CPXM2: variants seen among roughly 807,000 people sequenced by gnomAD.
CPXM2 encodes the protein inactive carboxypeptidase-like protein X2.
Under a neutral mutation model 86.1 loss-of-function variants are expected in CPXM2, and 66 were observed. The observed-to-expected ratio is 0.77, with a 90% CI of 0.63 to 0.94. CPXM2 has a LOEUF of 0.94. Ranked by LOEUF, CPXM2 falls within the 40% of genes least tolerant of loss-of-function variation. The pLI, the probability that CPXM2 is intolerant of heterozygous loss-of-function variation, is 0.00. For synonymous variants in CPXM2, 388 were observed against 400.2 expected, an observed-to-expected ratio of 0.97 and a Z score of 0.36; for missense variants, 948 against 1,026.3, an observed-to-expected ratio of 0.92 and a Z score of 1.04.
chr10:123,941,868 T>A (rs561146256), upstream of CPXM2, among the ~76,000 whole-genome samples: 1 of 152,190 alleles, frequency 6.6e-6, no homozygotes, highest in Non-Finnish European at 1.5e-5. Flanking sequence ...GATGAAGCAG[T>A]GGAAACAGGC....
At chr10:123,869,304 G>A (rs1021066986) in intron 2 of CPXM2, among the ~76,000 whole-genome samples, 2 of 152,170 alleles carry the variant, frequency 1.3e-5, no homozygotes, top group African/African-American at 4.8e-5. Flanking sequence ...TGACTCTTGA[G>A]CCAATTTGTT....
upstream of CPXM2, among the ~76,000 whole-genome samples, chr10:123,894,117 C>T (rs1268885973): frequency 6.6e-6 from 1 of 152,222 alleles, no homozygotes; most frequent in Non-Finnish European, 1.5e-5. Flanking sequence ...ACACAGCAAG[C>T]TAGTGATGGC....
chr10:123,817,692 C>T (rs1206656413), intron 4 of CPXM2, among the ~76,000 whole-genome samples: 1 of 152,212 alleles, frequency 6.6e-6, no homozygotes, highest in Non-Finnish European at 1.5e-5. Context: ...ACTCCTGCCA[C>T]CCTGCCTTCT....
chr10:123,756,579 C>T (rs1420724197), intron 12 of CPXM2, among the ~76,000 whole-genome samples: 1 of 152,062 alleles, frequency 6.6e-6, no homozygotes, highest in Non-Finnish European at 1.5e-5. Context: ...GTCCCCACCC[C>T]ACCCCGACCC....
chr10:123,746,343 G>C lies in CPXM2; in HGVS notation c.*421C>G, dbSNP rs1243537581. On this transcript the variant is annotated 3_prime_UTR_variant, in exon 14 of 14. Transcript: ENST00000241305. ...ATCTCAAATGGTAACATTTGGGACA[G>C]CCCAGCTGGGGAAATGCTGCAATTT... 5.0e-6 allele frequency: 1 copy of C among 199,886 alleles called. No homozygotes were observed. Among genetic ancestry groups the C allele is most frequent in the East Asian group, 1.4e-4 (1 of 7,068 alleles). The allele number at this position is 199,886 out of a possible 1,614,324, so 12.4% of individuals were successfully genotyped here. A position where few individuals can be genotyped will look rare whatever the true frequency, so the allele number is the denominator to read the frequency against.
intron 2 of CPXM2, 145 bp from the exon 3 acceptor site, chr10:123,862,868 T>A (rs1427420312): frequency 1.4e-6 from 1 of 690,648 alleles, no homozygotes; most frequent in Non-Finnish European, 2.6e-6. Context: ...CACGGTTGAT[T>A]GAACTGTCAA....
chr10:123,823,906 C>T (rs1847985346), intron 4 of CPXM2, among the ~76,000 whole-genome samples: 1 of 152,178 alleles, frequency 6.6e-6, no homozygotes, highest in African/African-American at 2.4e-5. Context: ...AAGTATGAGA[C>T]ATGGGCCACC....
intron 6 of CPXM2, among the ~76,000 whole-genome samples, chr10:123,793,591 C>T (rs1293516387): frequency 3.9e-5 from 6 of 152,014 alleles, no homozygotes; most frequent in Non-Finnish European, 8.8e-5. Flanking sequence ...TTTTTAAGTC[C>T]CTGGCAACCA....
At chr10:123,890,087 A>C (rs1014043528) in intron 1 of CPXM2, among the ~76,000 whole-genome samples, 2 of 152,232 alleles carry the variant, frequency 1.3e-5, no homozygotes, top group Non-Finnish European at 2.9e-5. Flanking sequence ...GGAGCCACTG[A>C]AAGGATGAAA....
intron 12 of CPXM2, among the ~76,000 whole-genome samples, chr10:123,755,797 C>T (rs866547227): frequency 4.5e-4 from 69 of 152,316 alleles, no homozygotes; most frequent in African/African-American, 1.9e-4. Flanking sequence ...ACGCATATTT[C>T]GAGGACTGGG....
At chr10:123,876,222 T>C (rs1347388511) in intron 2 of CPXM2, among the ~76,000 whole-genome samples, 2 of 152,156 alleles carry the variant, frequency 1.3e-5, no homozygotes. Flanking sequence ...CACCTGAGCA[T>C]ATGTAGAGCA....
At chr10:123,780,142 T>G in intron 7 of CPXM2, 25 bp downstream of exon 7, 5 of 1,461,164 alleles carry the variant, frequency 3.4e-6, no homozygotes, top group Non-Finnish European at 3.8e-6. Flanking sequence ...ATTCCTGGCA[T>G]GAGGCTTTGT....
rs200009107 is a variant in CPXM2 at position 123,878,506 on chromosome 10, CGTGTGTGTGTGTGTGTGT to C, written c.403+1687_403+1704del. On this transcript the variant is annotated intron_variant, in intron 2 of 13. Transcript: ENST00000241305. ...TGGCAGAAAAGGAGGCAAATTCAGACGTGTGTGTGTGTGTGTGTGTGTGTGTGTGTGTGTGTGTGTAAT... is the reference window on the plus strand; with the variant it reads ...TGGCAGAAAAGGAGGCAAATTCAGACGTGTGTGTGTGTGTGTGTGTGTAAT... Among the ~76,000 whole-genome samples, 1,276 of 134,876 alleles carry C rather than the reference CGTGTGTGTGTGTGTGTGT, an allele frequency of 9.5e-3. 19 individuals carry two copies. The highest frequency in any genetic ancestry group is 0.034 in the African/African-American group (1,200 of 35,774). The allele number at this position is 134,876 out of a possible 152,430, so 88.5% of individuals were successfully genotyped here.
intron 4 of CPXM2, among the ~76,000 whole-genome samples, chr10:123,801,330 C>T (rs773361548): frequency 2.6e-5 from 4 of 152,194 alleles, no homozygotes; most frequent in African/African-American, 4.8e-5. Context: ...CGCTTTCCAC[C>T]GTGATTGTGA....
At chr10:123,782,322 G>C (rs922715072) in intron 6 of CPXM2, among the ~76,000 whole-genome samples, 1 of 152,196 alleles carries the variant, frequency 6.6e-6, no homozygotes, top group African/African-American at 2.4e-5. Flanking sequence ...CCTCGGGGGC[G>C]TCTTTTCAAA....
chr10:123,867,692 C>T (rs1271436868), intron 2 of CPXM2, among the ~76,000 whole-genome samples: 1 of 151,928 alleles, frequency 6.6e-6, no homozygotes, highest in African/African-American at 2.4e-5. Flanking sequence ...GCAACCATGC[C>T]CGGCTAATTT....
intron 2 of CPXM2, among the ~76,000 whole-genome samples, chr10:123,878,505 A>ATG (rs1564809729): frequency 3.3e-4 from 29 of 88,452 alleles, no homozygotes; most frequent in African/African-American, 4.9e-4. Flanking sequence ...GCAAATTCAG[A>ATG]CGTGTGTGTG....
chr10:123,910,128 C>G (rs1945476003), intron 2 of CPXM2, among the ~76,000 whole-genome samples: 1 of 152,110 alleles, frequency 6.6e-6, no homozygotes, highest in African/African-American at 2.4e-5. Context: ...ATGTCCCTCA[C>G]TGAACCCAGC....
chr10:123,869,776 CTCATCA>C (rs911739655), intron 2 of CPXM2, among the ~76,000 whole-genome samples: 5 of 151,866 alleles, frequency 3.3e-5, no homozygotes, highest in Admixed American at 1.3e-4. Flanking sequence ...TTCATTAGTC[CTCATCA>C]TCATCATCAT....
Sources: gnomAD v4.1 joint callset for allele counts (sites outside exome capture counted in the v4.1 genomes callset) on GRCh38, gnomAD v4.1.1 for gene constraint, MANE v1.5 for transcripts, NCBI Gene and HGNC (gene_info 2026-07-23, HGNC 2026-07-21) for gene names.